The following GRM8 variants were observed in gnomAD, a reference collection of about 807,000 sequenced individuals.
GRM8 encodes the protein metabotropic glutamate receptor 8.
GRM8 carries 47 observed loss-of-function variants against 87.2 expected under a neutral mutation model. The observed-to-expected ratio is 0.54, with a 90% confidence interval of 0.43 to 0.69. The LOEUF is 0.69. Among genes scored for constraint, GRM8 ranks in the 30% least tolerant of loss-of-function variants. GRM8 has a pLI of 0.00. For synonymous variants in GRM8, 396 were observed against 404.5 expected (o/e 0.98, Z 0.25); for missense variants, 1,019 against 1,139.2 (o/e 0.89, Z 1.52).
At chr7:127,041,793 G>A (rs139379222) in intron 3 of GRM8, among the ~76,000 whole-genome samples, 3 of 152,174 alleles carry the variant, frequency 2.0e-5, no homozygotes, top group Admixed American at 1.3e-4. Flanking sequence ...GCAAATGAAC[G>A]ATGGAAACTA....
intron 2 of GRM8, among the ~76,000 whole-genome samples, chr7:127,165,567 T>C (rs970606849): frequency 4.6e-5 from 7 of 152,138 alleles, no homozygotes; most frequent in African/African-American, 1.4e-4. Flanking sequence ...TTCCTAATAC[T>C]GACCTAATTT....
intron 7 of GRM8, among the ~76,000 whole-genome samples, chr7:126,745,522 T>C (rs1377840756): frequency 6.6e-6 from 1 of 151,534 alleles, no homozygotes; most frequent in African/African-American, 2.4e-5. Context: ...AGAGCTCTCA[T>C]AGGTCCAAAA....
intron 3 of GRM8, among the ~76,000 whole-genome samples, chr7:127,006,865 G>C (rs17864094): frequency 0.063 from 9,596 of 151,982 alleles, 336 homozygotes; most frequent in South Asian, 0.12. Context: ...GAGGAGCCCT[G>C]ACTAATACAA....
intron 3 of GRM8, among the ~76,000 whole-genome samples, chr7:127,054,565 T>C (rs1179246468): frequency 6.6e-6 from 1 of 152,096 alleles, no homozygotes; most frequent in Non-Finnish European, 1.5e-5. Context: ...ACAGAAAAGA[T>C]GGAAAAATGT....
At chr7:126,454,154 C>T (rs1584662487) in intron 9 of GRM8, among the ~76,000 whole-genome samples, 1 of 151,838 alleles carries the variant, frequency 6.6e-6, no homozygotes, top group African/African-American at 2.4e-5. Flanking sequence ...ACAATTGTTT[C>T]AGGAACAAAA....
intron 2 of GRM8, among the ~76,000 whole-genome samples, chr7:127,200,956 CAAAT>C (rs1316023933): frequency 6.6e-6 from 1 of 152,156 alleles, no homozygotes; most frequent in Non-Finnish European, 1.5e-5. Flanking sequence ...CTAAGGGAGT[CAAAT>C]TAATTTAAAA....
chr7:127,182,216 T>C (rs1006894806), intron 2 of GRM8, among the ~76,000 whole-genome samples: 3 of 151,964 alleles, frequency 2.0e-5, no homozygotes, highest in Non-Finnish European at 4.4e-5. Flanking sequence ...AAAAAAGATA[T>C]ACAAATGGCC....
At chr7:126,565,995 A>G (rs113737397) in intron 8 of GRM8, among the ~76,000 whole-genome samples, 4,449 of 152,290 alleles carry the variant, frequency 0.029, 80 homozygotes, top group Non-Finnish European at 0.046. Context: ...GCACAGGAAT[A>G]AAACTGGCAC....
chr7:127,091,398 C>A (rs1387429781), intron 3 of GRM8, among the ~76,000 whole-genome samples: 1 of 132,774 alleles, frequency 7.5e-6, no homozygotes, highest in Middle Eastern at 4.3e-3. Context: ...GTCATCCCCC[C>A]ACCACCATCC....
At chr7:126,799,349 C>T (rs180715350) in intron 6 of GRM8, among the ~76,000 whole-genome samples, 8 of 152,158 alleles carry the variant, frequency 5.3e-5, no homozygotes, top group East Asian at 1.9e-4. Flanking sequence ...AAACATCCCA[C>T]GTGAGACAAA....
At chr7:127,199,468 C>T (rs1795473278) in intron 2 of GRM8, among the ~76,000 whole-genome samples, 1 of 152,222 alleles carries the variant, frequency 6.6e-6, no homozygotes, top group Non-Finnish European at 1.5e-5. Context: ...ATGTGCCCAT[C>T]TGTGTGACAA....
chr7:126,564,444 T>C (rs1246703550), intron 8 of GRM8, among the ~76,000 whole-genome samples: 2 of 151,814 alleles, frequency 1.3e-5, no homozygotes, highest in Non-Finnish European at 2.9e-5. Flanking sequence ...TTATAAGAGA[T>C]TGCTAAAAGC....
rs185230031 is a variant in GRM8, at chr7:126,685,176, C to G, written c.1358-75678G>C. 1.3e-5 allele frequency among the ~76,000 whole-genome samples: 2 copies of G among 152,204 alleles called. No individual in the cohort carries two copies. Among genetic ancestry groups the G allele is most frequent in the Admixed American group, 1.3e-4 (2 of 15,288 alleles). On this transcript the variant is annotated intron_variant, in intron 7 of 10. Coordinates refer to ENST00000339582, the MANE Select transcript of GRM8 (RefSeq NM_000845.3). This position sits in a 1 kb window ranked among gnomAD's most constrained non-coding sequence, Gnocchi z 4.2. Reference sequence around the variant, plus strand: ...CTATGGGGAGTTCATGGGGAAGAGGCGAATAGTCCCTAGAGACTTCCCCTG... The same window carrying G: ...CTATGGGGAGTTCATGGGGAAGAGGGGAATAGTCCCTAGAGACTTCCCCTG...
intron 8 of GRM8, among the ~76,000 whole-genome samples, chr7:126,550,509 A>AG (rs1450272974): frequency 6.6e-6 from 1 of 152,180 alleles, no homozygotes; most frequent in Non-Finnish European, 1.5e-5. Flanking sequence ...ATAACTTTGT[A>AG]GAAAAACTAG....
At chr7:126,772,418 C>T (rs1029909155) in intron 6 of GRM8, among the ~76,000 whole-genome samples, 3 of 152,060 alleles carry the variant, frequency 2.0e-5, no homozygotes, top group Non-Finnish European at 4.4e-5. Flanking sequence ...GTTGTTTCCA[C>T]ACTTGGGTCT....
chr7:127,083,054 A>G (rs1167156244), intron 3 of GRM8, among the ~76,000 whole-genome samples: 1 of 152,234 alleles, frequency 6.6e-6, no homozygotes, highest in African/African-American at 2.4e-5. Flanking sequence ...TAAGAATCAC[A>G]GAAACATCCA....
chr7:127,025,699 A>C (rs990455680), intron 3 of GRM8, among the ~76,000 whole-genome samples: 1 of 152,042 alleles, frequency 6.6e-6, no homozygotes, highest in Admixed American at 6.5e-5. Context: ...TATCCTGTCC[A>C]GAGACAGTCC....
intron 8 of GRM8, among the ~76,000 whole-genome samples, chr7:126,560,829 G>T (rs999995130): frequency 1.3e-5 from 2 of 152,122 alleles, no homozygotes; most frequent in Admixed American, 6.6e-5. Context: ...TATTTATCAA[G>T]TTGGCTAAAT....
intron 2 of GRM8, among the ~76,000 whole-genome samples, chr7:127,209,462 G>A (rs756845385): frequency 1.3e-5 from 2 of 152,106 alleles, no homozygotes; most frequent in Non-Finnish European, 2.9e-5. Context: ...GCCCCTACCT[G>A]GTCTCCAGCT....
Sources: allele counts gnomAD v4.1 joint callset (sites outside exome capture counted in the v4.1 genomes callset), GRCh38; gene constraint gnomAD v4.1.1; non-coding constraint Gnocchi (gnomAD v3.1); transcripts MANE v1.5; gene names NCBI Gene and HGNC (gene_info 2026-07-23, HGNC 2026-07-21).